Variants in SRBD1 observed in about 807,000 individuals in gnomAD.
The protein encoded by SRBD1 is S1 RNA-binding domain-containing protein 1.
SRBD1 carries 88 observed loss-of-function variants against 115.3 expected under a neutral mutation model. The observed-to-expected ratio is 0.76, with a 90% confidence interval of 0.64 to 0.91. The LOEUF (loss-of-function observed/expected upper bound fraction) is 0.91, where lower values mean the gene tolerates loss of function less well. Ranked by LOEUF, SRBD1 falls within the 40% of genes least tolerant of loss-of-function variation. SRBD1 has a pLI of 0.00. For missense variants in SRBD1, 1,385 were observed against 1,177.4 expected, an observed-to-expected ratio of 1.18 and a Z score of -2.58; for synonymous variants, 509 against 407.7, an observed-to-expected ratio of 1.25 and a Z score of -2.99.
intron 19 of SRBD1, among the ~76,000 whole-genome samples, chr2:45,402,899 A>G (rs1289606291): frequency 6.6e-6 from 1 of 152,152 alleles, no homozygotes; most frequent in Non-Finnish European, 1.5e-5. Flanking sequence ...GATCAACCCA[A>G]ATGGTAGGAC....
At chr2:45,589,247 C>T (rs1673640040) in intron 4 of SRBD1, among the ~76,000 whole-genome samples, 1 of 152,146 alleles carries the variant, frequency 6.6e-6, no homozygotes, top group Non-Finnish European at 1.5e-5. Flanking sequence ...CCACACTTCC[C>T]TCTTGAGAGG....
intron 14 of SRBD1, among the ~76,000 whole-genome samples, chr2:45,512,043 G>A (rs1670987472): frequency 6.6e-6 from 1 of 152,172 alleles, no homozygotes. Context: ...CAAAGAGGCT[G>A]AAATACACTG....
At chr2:45,547,968 T>C (rs2104037904) in intron 12 of SRBD1, among the ~76,000 whole-genome samples, 1 of 152,328 alleles carries the variant, frequency 6.6e-6, no homozygotes, top group South Asian at 2.1e-4. Context: ...ATTTCTTTTT[T>C]TCTGGTTGTA....
At chr2:45,580,384 C>T (rs1014143392) in intron 6 of SRBD1, among the ~76,000 whole-genome samples, 5 of 151,842 alleles carry the variant, frequency 3.3e-5, no homozygotes, top group African/African-American at 9.7e-5. Context: ...CTCGCTCTTT[C>T]GCCCAGGCCT....
intron 9 of SRBD1, among the ~76,000 whole-genome samples, chr2:45,572,110 G>A (rs1358425071): frequency 6.6e-6 from 1 of 152,152 alleles, no homozygotes; most frequent in Non-Finnish European, 1.5e-5. Flanking sequence ...GATAAAGACA[G>A]AGAATCCTGA....
intron 14 of SRBD1, among the ~76,000 whole-genome samples, chr2:45,527,714 G>A (rs934167518): frequency 4.0e-5 from 6 of 151,854 alleles, no homozygotes; most frequent in Non-Finnish European, 5.9e-5. Flanking sequence ...CCCCACTTCA[G>A]AGATGAAGAG....
At chr2:45,557,029 G>T (rs1672501347) in intron 10 of SRBD1, among the ~76,000 whole-genome samples, 1 of 152,052 alleles carries the variant, frequency 6.6e-6, no homozygotes, top group Admixed American at 6.6e-5. Flanking sequence ...AGTTTGCCAA[G>T]CAAGACAAAA....
intron 14 of SRBD1, among the ~76,000 whole-genome samples, chr2:45,495,388 G>C (rs1670423728): frequency 1.3e-5 from 2 of 152,166 alleles, no homozygotes; most frequent in South Asian, 2.1e-4. Flanking sequence ...TGTAGATTAA[G>C]TACCTCTACT....
chr2:45,404,963 A>C (rs922073007), intron 19 of SRBD1, among the ~76,000 whole-genome samples: 2 of 152,118 alleles, frequency 1.3e-5, no homozygotes, highest in African/African-American at 4.8e-5. Context: ...ATATCTGCAC[A>C]GCTAACTCTT....
intron 19 of SRBD1, among the ~76,000 whole-genome samples, chr2:45,409,111 C>T (rs1024753441): frequency 1.3e-5 from 2 of 152,040 alleles, no homozygotes; most frequent in East Asian, 3.9e-4. Flanking sequence ...GTAGTCCCAG[C>T]TACTTGGGGC....
intron 16 of SRBD1, among the ~76,000 whole-genome samples, chr2:45,455,766 AAT>A (rs997671066): frequency 3.1e-4 from 47 of 151,988 alleles, no homozygotes; most frequent in Admixed American, 9.8e-4. Flanking sequence ...AAAAATAAAA[AAT>A]AAAAAAATAA....
At chr2:45,581,111 T>G (rs1054384490) in intron 6 of SRBD1, among the ~76,000 whole-genome samples, 1 of 152,158 alleles carries the variant, frequency 6.6e-6, no homozygotes, top group African/African-American at 2.4e-5. Flanking sequence ...ATATATATTT[T>G]TTTCAGTCTT....
At chr2:45,528,137 T>C (rs1218070341) in intron 14 of SRBD1, among the ~76,000 whole-genome samples, 1 of 151,882 alleles carries the variant, frequency 6.6e-6, no homozygotes, top group Non-Finnish European at 1.5e-5. Context: ...ACATAATTCT[T>C]TAAACTGTAT....
intron 16 of SRBD1, among the ~76,000 whole-genome samples, chr2:45,431,713 A>G (rs1668343456): frequency 6.6e-6 from 1 of 152,180 alleles, no homozygotes; most frequent in African/African-American, 2.4e-5. Flanking sequence ...CCACTATGGC[A>G]CGTGTATACC....
At chr2:45,465,320 T>C (rs950589535) in intron 16 of SRBD1, among the ~76,000 whole-genome samples, 1 of 152,184 alleles carries the variant, frequency 6.6e-6, no homozygotes, top group Non-Finnish European at 1.5e-5. Flanking sequence ...CTATCCTTTT[T>C]TTCCTCTCAA....
At chr2:45,571,348 C>G (rs991888447) in intron 9 of SRBD1, among the ~76,000 whole-genome samples, 4 of 151,468 alleles carry the variant, frequency 2.6e-5, no homozygotes, top group Non-Finnish European at 5.9e-5. Flanking sequence ...ACTAAGCTAA[C>G]AAGGGAGACC....
chr2:45,523,842 C>T (rs906946956), intron 14 of SRBD1, among the ~76,000 whole-genome samples: 6 of 151,854 alleles, frequency 4.0e-5, no homozygotes, highest in Non-Finnish European at 8.8e-5. Context: ...CAACATTACC[C>T]TAATATCAAA....
chr2:45,552,847 A>G (rs772267654), intron 11 of SRBD1, among the ~76,000 whole-genome samples: 14 of 152,296 alleles, frequency 9.2e-5, no homozygotes, highest in Non-Finnish European at 1.2e-4. Context: ...ACCCATCTTA[A>G]TTCAATGGTC....
chr2:45,452,137 G>C (rs572764004), intron 16 of SRBD1, among the ~76,000 whole-genome samples: 1 of 151,934 alleles, frequency 6.6e-6, no homozygotes, highest in Non-Finnish European at 1.5e-5. Flanking sequence ...GCTTTCATAT[G>C]TTAAGGAGTA....
Sources: gnomAD v4.1 joint callset for allele counts (sites outside exome capture counted in the v4.1 genomes callset) on GRCh38, gnomAD v4.1.1 for gene constraint, MANE v1.5 for transcripts, NCBI Gene and HGNC (gene_info 2026-07-23, HGNC 2026-07-21) for gene names.